PTGR2: variants seen among roughly 807,000 people sequenced by gnomAD.
PTGR2 encodes prostaglandin reductase 2.
In PTGR2, 32 loss-of-function variants were observed where a neutral mutation model predicts 43.4. The observed-to-expected ratio is 0.74, with a 90% CI of 0.56 to 0.99. The LOEUF (loss-of-function observed/expected upper bound fraction) is 0.99, where lower values mean the gene tolerates loss of function less well. Among genes scored for constraint, PTGR2 ranks in the 50% least tolerant of loss-of-function variants. The probability of loss-of-function intolerance (pLI) is 0.00; values close to 1 mark genes in which losing one functional copy is unlikely to be tolerated. For missense variants in PTGR2, 373 were observed against 420.0 expected (o/e 0.89, Z 0.98); for synonymous variants, 106 against 139.2 (o/e 0.76, Z 1.68).
At chr14:73,871,859 T>C (rs1448014430) in intron 3 of PTGR2, among the ~76,000 whole-genome samples, 1 of 152,162 alleles carries the variant, frequency 6.6e-6, no homozygotes, top group African/African-American at 2.4e-5. Context: ...TCCTACTAGC[T>C]GTGTTTAAGT....
At chr14:73,871,341 CTTTT>C (rs869073652) in intron 3 of PTGR2, among the ~76,000 whole-genome samples, 2,253 of 67,868 alleles carry the variant, frequency 0.033, 30 homozygotes, top group African/African-American at 0.078. Flanking sequence ...GGCTGTTCAT[CTTTT>C]TTTTTTTTTT....
At chr14:73,881,869 C>T (rs1050070494) in intron 8 of PTGR2, among the ~76,000 whole-genome samples, 1 of 149,880 alleles carries the variant, frequency 6.7e-6, no homozygotes, top group Non-Finnish European at 1.5e-5. Context: ...CTGCAACCTC[C>T]GCCTCCTAGG....
chr14:73,877,197 C>G, intron 5 of PTGR2, 29 bp downstream of exon 5: 2 of 1,577,254 alleles, frequency 1.3e-6, no homozygotes, highest in Non-Finnish European at 8.7e-7. Context: ...ATTTGATTTT[C>G]TGATTATTTG....
chr14:73,878,896 A>G (rs2054920860), intron 5 of PTGR2, 200 bp from the exon 6 acceptor site: 4 of 551,178 alleles, frequency 7.3e-6, no homozygotes, highest in Non-Finnish European at 1.3e-5. Context: ...ACCTTTGTTC[A>G]ATTTTAATAA....
At chr14:73,872,184 G>A (rs545143779) in intron 3 of PTGR2, among the ~76,000 whole-genome samples, 27 of 152,266 alleles carry the variant, frequency 1.8e-4, no homozygotes, top group African/African-American at 6.5e-4. Flanking sequence ...TTGAGATGGG[G>A]TGCAGTCCCA....
rs573101886 is a variant in PTGR2 at position 73,885,619 on chromosome 14, G to A, written c.*1442G>A. The A allele has an allele frequency of 2.6e-5, 4 of 152,164 alleles. No homozygotes were observed. Among genetic ancestry groups the A allele is most frequent in the Admixed American group, 6.5e-5 (1 of 15,276 alleles). 9.4% of individuals were successfully genotyped at this position (152,164 alleles called of 1,614,324 possible). ...TCCTGGACCATTTCATCGCCTGAGGGGGTTTCACTTTTCTCTGTATGTTGC... is the reference window on the plus strand; with the variant it reads ...TCCTGGACCATTTCATCGCCTGAGGAGGTTTCACTTTTCTCTGTATGTTGC... On this transcript the variant is annotated 3_prime_UTR_variant, in exon 10 of 10. Transcript: ENST00000555661.
At chr14:73,862,286 C>T (rs543995372) in intron 3 of PTGR2, among the ~76,000 whole-genome samples, 1 of 152,020 alleles carries the variant, frequency 6.6e-6, no homozygotes, top group Non-Finnish European at 1.5e-5. Flanking sequence ...CGGCTCACTG[C>T]AAGCTCCGCC....
At chr14:73,871,651 A>G (rs1334375733) in intron 3 of PTGR2, among the ~76,000 whole-genome samples, 1 of 151,968 alleles carries the variant, frequency 6.6e-6, no homozygotes, top group Non-Finnish European at 1.5e-5. Flanking sequence ...GTGGGACCTG[A>G]CACTATATCC....
chr14:73,854,619 G>A (rs17092878), intron 1 of PTGR2, among the ~76,000 whole-genome samples: 11,448 of 152,208 alleles, frequency 0.075, 893 homozygotes, highest in East Asian at 0.44. Flanking sequence ...ACCATTGACA[G>A]TAATTAGAGG....
intron 7 of PTGR2, among the ~76,000 whole-genome samples, chr14:73,880,595 A>C (rs546580090): frequency 1.5e-5 from 2 of 132,066 alleles, no homozygotes; most frequent in East Asian, 1.9e-4. Flanking sequence ...AACAAAAAAA[A>C]AAAAACAAAA....
At chr14:73,858,925 C>T (rs1318148812) in intron 2 of PTGR2, 26 bp downstream of exon 2, 2 of 1,584,224 alleles carry the variant, frequency 1.3e-6, no homozygotes, top group East Asian at 2.2e-5. Context: ...GAATGAACAA[C>T]TCTGATCTTT....
chr14:73,865,050 GCATGCACCCACAGA>G (rs1454290859), intron 3 of PTGR2, among the ~76,000 whole-genome samples: 1 of 152,048 alleles, frequency 6.6e-6, no homozygotes, highest in African/African-American at 2.4e-5. Context: ...ACACACATAG[GCATGCACCCACAGA>G]CATGCACACA....
intron 3 of PTGR2, among the ~76,000 whole-genome samples, chr14:73,872,178 G>C (rs1338735271): frequency 6.6e-6 from 1 of 152,186 alleles, no homozygotes; most frequent in Non-Finnish European, 1.5e-5. Flanking sequence ...TTCCTCTTGA[G>C]ATGGGGTGCA....
intron 1 of PTGR2, among the ~76,000 whole-genome samples, chr14:73,853,456 G>A (rs1310569237): frequency 1.3e-5 from 2 of 151,978 alleles, no homozygotes; most frequent in African/African-American, 4.8e-5. Flanking sequence ...CAGAGTAGCT[G>A]GGATTACAGG....
intron 4 of PTGR2, 117 bp downstream of exon 4, chr14:73,874,331 C>A: frequency 3.7e-6 from 3 of 803,188 alleles, no homozygotes; most frequent in Non-Finnish European, 5.8e-6. Context: ...TTTCTTTTAG[C>A]TAGCTGCCAA....
In PTGR2 at chr14:73,885,473, G is replaced by A. The variant is rs770917145; in HGVS notation, c.*1296G>A. On this transcript the variant is annotated 3_prime_UTR_variant, in exon 10 of 10. Transcript: ENST00000555661. The stretch of plus-strand genomic sequence containing the variant: ...AAGATTATTGTTTCTGAATGTTTTG[G>A]CTTATGATTGTCTACACACTGCCAA... 3 of 152,160 alleles carry A rather than the reference G, an allele frequency of 2.0e-5. No individual in the cohort carries two copies. Among genetic ancestry groups the A allele is most frequent in the Non-Finnish European group, 2.9e-5 (2 of 68,022 alleles). The allele number at this position is 152,160 out of a possible 1,614,324, so 9.4% of individuals were successfully genotyped here.
At chr14:73,881,116 A>T in intron 7 of PTGR2, 89 bp from the exon 8 acceptor site, 1 of 782,648 alleles carries the variant, frequency 1.3e-6, no homozygotes, top group Non-Finnish European at 2.2e-6. Context: ...TTTAAGGATT[A>T]ACAGATATTA....
chr14:73,857,664 G>GGTTTTTTTTTT (rs2054383003), intron 1 of PTGR2, among the ~76,000 whole-genome samples: 2 of 64,696 alleles, frequency 3.1e-5, no homozygotes, highest in African/African-American at 6.2e-5. Context: ...AGCAGTTAGT[G>GGTTTTTTTTTT]TTTTTTTTTT....
intron 3 of PTGR2, among the ~76,000 whole-genome samples, chr14:73,865,719 A>G (rs903934867): frequency 6.6e-6 from 1 of 151,736 alleles, no homozygotes; most frequent in African/African-American, 2.4e-5. Flanking sequence ...GCAAGTGAAT[A>G]TACAGTCGTG....
Sources: gnomAD v4.1 joint callset for allele counts (sites outside exome capture counted in the v4.1 genomes callset) on GRCh38, gnomAD v4.1.1 for gene constraint, MANE v1.5 for transcripts, NCBI Gene and HGNC (gene_info 2026-07-23, HGNC 2026-07-21) for gene names.